DOK5: variants seen among roughly 807,000 people sequenced by gnomAD.
DOK5 encodes the protein downstream of tyrosine kinase 5.
A neutral mutation model predicts 43.3 loss-of-function variants in DOK5; 27 were observed. The ratio of observed to expected loss-of-function variants is 0.62; its 90% confidence interval spans 0.46 to 0.86. The LOEUF (loss-of-function observed/expected upper bound fraction) is 0.86. Ranked by LOEUF, DOK5 falls within the 40% of genes least tolerant of loss-of-function variation. The probability of loss-of-function intolerance (pLI) is 0.00; values close to 1 mark genes in which losing one functional copy is unlikely to be tolerated. For synonymous variants in DOK5, 146 were observed against 140.1 expected, an observed-to-expected ratio of 1.04 and a Z score of -0.30; for missense variants, 373 against 392.9, an observed-to-expected ratio of 0.95 and a Z score of 0.43.
At chr20:54,491,148 A>G (rs1982158037) in intron 1 of DOK5, among the ~76,000 whole-genome samples, 1 of 152,206 alleles carries the variant, frequency 6.6e-6, no homozygotes, top group Admixed American at 6.5e-5. Flanking sequence ...TCACAACTGT[A>G]ATGATTTCTT....
At chr20:54,650,044 A>G (rs1979626515) in intron 7 of DOK5, among the ~76,000 whole-genome samples, 1 of 152,266 alleles carries the variant, frequency 6.6e-6, no homozygotes, top group East Asian at 1.9e-4. Flanking sequence ...CAAGATTACC[A>G]AAGTATAAGC....
intron 6 of DOK5, among the ~76,000 whole-genome samples, chr20:54,614,257 C>A (rs991845981): frequency 1.3e-5 from 2 of 152,028 alleles, no homozygotes; most frequent in Non-Finnish European, 2.9e-5. Context: ...CGAACTAATA[C>A]AATCTTGGTA....
chr20:54,578,108 CA>C (rs1378059382), intron 2 of DOK5, among the ~76,000 whole-genome samples: 1 of 152,116 alleles, frequency 6.6e-6, no homozygotes, highest in Non-Finnish European at 1.5e-5. Flanking sequence ...CCTCCAGGAT[CA>C]CAAGTATACT....
chr20:54,587,796 G>A (rs921958522), intron 2 of DOK5, among the ~76,000 whole-genome samples: 2 of 152,136 alleles, frequency 1.3e-5, no homozygotes, highest in Non-Finnish European at 2.9e-5. Context: ...GGAAGAAGGC[G>A]CCACTGGGTA....
intron 1 of DOK5, among the ~76,000 whole-genome samples, chr20:54,543,842 C>A (rs1259237832): frequency 6.6e-6 from 1 of 152,174 alleles, no homozygotes; most frequent in Non-Finnish European, 1.5e-5. Flanking sequence ...CTAGTTTACA[C>A]ATTTGCCATG....
intron 6 of DOK5, among the ~76,000 whole-genome samples, chr20:54,619,229 GTGGGCC>G (rs1477154204): frequency 6.7e-5 from 10 of 150,190 alleles, no homozygotes; most frequent in Non-Finnish European, 1.3e-4. Context: ...AGAAGTGGGG[GTGGGCC>G]TGGAGTATGA....
intron 5 of DOK5, among the ~76,000 whole-genome samples, chr20:54,608,500 C>T (rs1425306823): frequency 1.3e-5 from 2 of 152,132 alleles, no homozygotes; most frequent in Non-Finnish European, 2.9e-5. Context: ...AAGATGTCTT[C>T]AGGGAAGAAA....
rs543417153 is a variant in DOK5 at position 54,542,931 on chromosome 20, C to G, written c.67-12002C>G. 3.9e-5 allele frequency among the ~76,000 whole-genome samples: 6 copies of G among 152,218 alleles called. No homozygotes were observed. The South Asian group carries it at 1.2e-3, about 32-fold the overall frequency. ...AATGTAGCAAGAATAAAACAGGGAG[C>G]CCTCTGAAACTCAGAAGATGGTAGC... is the stretch of plus-strand genomic sequence containing the variant. On this transcript the variant is annotated intron_variant, in intron 1 of 7. Transcript: ENST00000262593.
chr20:54,579,843 A>T (rs1013465083), intron 2 of DOK5, among the ~76,000 whole-genome samples: 1 of 151,636 alleles, frequency 6.6e-6, no homozygotes, highest in Admixed American at 6.6e-5. Flanking sequence ...CAGTTTTGTT[A>T]CATAGTATAC....
chr20:54,644,711 A>AAAAAAAAAAAAAAC (rs1979301315), intron 7 of DOK5, among the ~76,000 whole-genome samples: 3 of 39,016 alleles, frequency 7.7e-5, no homozygotes. Context: ...GTCTCAAAAA[A>AAAAAAAAAAAAAAC]AAAAAAAAAA....
chr20:54,572,640 T>A (rs748943783), intron 2 of DOK5, among the ~76,000 whole-genome samples: 8 of 152,228 alleles, frequency 5.3e-5, no homozygotes, highest in Non-Finnish European at 1.2e-4. Context: ...TAATATCTTT[T>A]TTTTAAGGTT....
intron 2 of DOK5, among the ~76,000 whole-genome samples, chr20:54,575,160 A>C (rs537836545): frequency 6.6e-6 from 1 of 152,358 alleles, no homozygotes; most frequent in African/African-American, 2.4e-5. Flanking sequence ...AACATTCTGC[A>C]AGAAAACTAA....
intron 2 of DOK5, among the ~76,000 whole-genome samples, chr20:54,573,197 A>G (rs890581198): frequency 6.6e-6 from 1 of 152,154 alleles, no homozygotes; most frequent in Non-Finnish European, 1.5e-5. Flanking sequence ...TCTCATTGAG[A>G]GGGTAATATG....
chr20:54,522,707 G>A (rs1443979582), intron 1 of DOK5, among the ~76,000 whole-genome samples: 2 of 151,790 alleles, frequency 1.3e-5, no homozygotes, highest in Non-Finnish European at 2.9e-5. Flanking sequence ...TAGAGACAGG[G>A]TTTCACCATG....
intron 1 of DOK5, among the ~76,000 whole-genome samples, chr20:54,519,466 A>C (rs1983316392): frequency 6.6e-6 from 1 of 152,214 alleles, no homozygotes; most frequent in Non-Finnish European, 1.5e-5. Context: ...GAAATGGTTT[A>C]TTCTCCTCTA....
intron 2 of DOK5, among the ~76,000 whole-genome samples, chr20:54,577,492 T>C (rs79401657): frequency 0.096 from 14,653 of 152,262 alleles, 986 homozygotes; most frequent in Non-Finnish European, 0.15. Flanking sequence ...CTAGTACAGT[T>C]TCCTGATTAT....
chr20:54,563,886 A>AT (rs962206514), intron 2 of DOK5, among the ~76,000 whole-genome samples: 1 of 151,928 alleles, frequency 6.6e-6, no homozygotes, highest in African/African-American at 2.4e-5. Flanking sequence ...TGCCTTTAAA[A>AT]TTTTTTTTAA....
intron 1 of DOK5, among the ~76,000 whole-genome samples, chr20:54,506,694 C>T (rs568915796): frequency 1.3e-5 from 2 of 152,294 alleles, no homozygotes; most frequent in Non-Finnish European, 2.9e-5. Context: ...CTCCTGGGCT[C>T]AAGTGATCCT....
At chr20:54,511,642 A>T (rs1983019273) in intron 1 of DOK5, among the ~76,000 whole-genome samples, 1 of 152,178 alleles carries the variant, frequency 6.6e-6, no homozygotes, top group Non-Finnish European at 1.5e-5. Context: ...AAACTAAGCA[A>T]AGAGGAAGGT....
Sources: allele counts gnomAD v4.1 joint callset (sites outside exome capture counted in the v4.1 genomes callset), GRCh38; gene constraint gnomAD v4.1.1; transcripts MANE v1.5; gene names NCBI Gene and HGNC (gene_info 2026-07-23, HGNC 2026-07-21).